The following LRBA variants were observed in gnomAD, a reference collection of about 807,000 sequenced individuals.
LRBA encodes the protein LPS responsive beige-like anchor protein.
Under a neutral mutation model 330.0 loss-of-function variants are expected in LRBA, and 176 were observed. The ratio of observed to expected loss-of-function variants is 0.53; its 90% CI spans 0.47 to 0.60. The LOEUF (loss-of-function observed/expected upper bound fraction) is 0.60, where lower values mean the gene tolerates loss of function less well. LRBA is among the 20% of genes least tolerant of loss of function. LRBA has a pLI of 0.00. For synonymous variants in LRBA, 1,230 were observed against 1,193.0 expected (o/e 1.03, Z -0.64); for missense variants, 3,259 against 3,444.8 (o/e 0.95, Z 1.35).
At chr4:150,897,634 T>C in intron 15 of LRBA, 105 bp downstream of exon 15, 1 of 777,676 alleles carries the variant, frequency 1.3e-6, no homozygotes, top group East Asian at 2.6e-5. Context: ...TTCCAATGTG[T>C]AACCACAGTA....
chr4:150,527,814 G>T (rs997441731), intron 40 of LRBA, among the ~76,000 whole-genome samples: 1 of 152,166 alleles, frequency 6.6e-6, no homozygotes, highest in Non-Finnish European at 1.5e-5. Context: ...GATGGCAGAA[G>T]AAAATGAGAA....
chr4:150,621,860 T>C (rs747542466), intron 37 of LRBA, among the ~76,000 whole-genome samples: 37 of 152,298 alleles, frequency 2.4e-4, no homozygotes, highest in Non-Finnish European at 4.9e-4. Context: ...TCTTAGCTTG[T>C]ACTGAGGGCA....
chr4:150,891,729 C>G (rs978629767), intron 17 of LRBA, among the ~76,000 whole-genome samples: 1 of 152,132 alleles, frequency 6.6e-6, no homozygotes, highest in Non-Finnish European at 1.5e-5. Context: ...TGGACACCCA[C>G]GCACACACTA....
intron 2 of LRBA, among the ~76,000 whole-genome samples, chr4:151,006,237 G>A (rs1223193820): frequency 2.6e-5 from 4 of 152,120 alleles, no homozygotes; most frequent in Admixed American, 6.5e-5. Flanking sequence ...TGAGGCAGGA[G>A]AATCACTTGA....
chr4:150,932,750 T>C (rs1372495803), intron 2 of LRBA, among the ~76,000 whole-genome samples: 1 of 151,890 alleles, frequency 6.6e-6, no homozygotes, highest in Non-Finnish European at 1.5e-5. Context: ...ATCCCATCTC[T>C]ACTAAAAATA....
intron 41 of LRBA, among the ~76,000 whole-genome samples, chr4:150,489,396 T>G (rs1303248595): frequency 1.6e-5 from 1 of 63,214 alleles, no homozygotes; most frequent in African/African-American, 5.1e-5. Flanking sequence ...GAATATAAAA[T>G]ATATTATATA....
chr4:150,772,529 A>G (rs1050289437), intron 34 of LRBA, among the ~76,000 whole-genome samples: 6 of 152,220 alleles, frequency 3.9e-5, no homozygotes, highest in African/African-American at 1.4e-4. Flanking sequence ...CATTCAGTTC[A>G]TAATAAGCAG....
chr4:150,399,367 C>T (rs56401050), intron 47 of LRBA, among the ~76,000 whole-genome samples: 34,449 of 152,092 alleles, frequency 0.23, 4,538 homozygotes, highest in Non-Finnish European at 0.31. Flanking sequence ...TCAAGATGCT[C>T]AAGCTCTGCT....
intron 36 of LRBA, among the ~76,000 whole-genome samples, chr4:150,734,338 T>C (rs1283552171): frequency 2.6e-5 from 4 of 152,134 alleles, no homozygotes; most frequent in Non-Finnish European, 4.4e-5. Context: ...ATTCTTTATA[T>C]TGATGAATTA....
intron 40 of LRBA, among the ~76,000 whole-genome samples, chr4:150,586,978 T>C (rs1406231063): frequency 6.6e-6 from 1 of 152,146 alleles, no homozygotes; most frequent in African/African-American, 2.4e-5. Context: ...TTTTAATTGA[T>C]AGAATTTCAG....
At chr4:150,881,163 C>T (rs1728334491) in intron 17 of LRBA, among the ~76,000 whole-genome samples, 1 of 152,144 alleles carries the variant, frequency 6.6e-6, no homozygotes, top group African/African-American at 2.4e-5. Flanking sequence ...AATTTTATTA[C>T]CGGGTACATA....
intron 47 of LRBA, among the ~76,000 whole-genome samples, chr4:150,378,114 A>G (rs370259583): frequency 1.1e-4 from 16 of 152,180 alleles, no homozygotes; most frequent in African/African-American, 3.6e-4. Context: ...ATTCAAAATT[A>G]TGTTCATCAG....
chr4:150,758,327 T>C (rs1055473624), intron 35 of LRBA, among the ~76,000 whole-genome samples: 9 of 152,166 alleles, frequency 5.9e-5, no homozygotes, highest in African/African-American at 1.7e-4. Context: ...ATAAAGATCT[T>C]TGAATGATAA....
At chr4:150,284,775 C>T (rs996564072) in intron 54 of LRBA, among the ~76,000 whole-genome samples, 11 of 152,172 alleles carry the variant, frequency 7.2e-5, no homozygotes, top group Non-Finnish European at 1.3e-4. Context: ...ATCTTCCCAC[C>T]TTAGCCTCCC....
chr4:150,927,573 T>C (rs1324378140), intron 4 of LRBA, among the ~76,000 whole-genome samples: 1 of 152,010 alleles, frequency 6.6e-6, no homozygotes, highest in African/African-American at 2.4e-5. Flanking sequence ...AGGTCTAATA[T>C]ATCTGTAATT....
At chr4:150,524,491 G>A (rs1763252182) in intron 40 of LRBA, among the ~76,000 whole-genome samples, 1 of 152,112 alleles carries the variant, frequency 6.6e-6, no homozygotes, top group African/African-American at 2.4e-5. Flanking sequence ...ATTTCACTGT[G>A]TTCTACCCAA....
intron 37 of LRBA, among the ~76,000 whole-genome samples, chr4:150,605,228 A>C (rs2126543480): frequency 6.6e-6 from 1 of 152,322 alleles, no homozygotes; most frequent in Non-Finnish European, 1.5e-5. Flanking sequence ...CTATTATCAA[A>C]TGAGTCAAAT....
intron 5 of LRBA, among the ~76,000 whole-genome samples, chr4:150,917,551 A>G (rs1732768987): frequency 6.6e-6 from 1 of 152,358 alleles, no homozygotes; most frequent in East Asian, 1.9e-4. Context: ...CAATATACAA[A>G]TGGCTTTACC....
intron 2 of LRBA, among the ~76,000 whole-genome samples, chr4:151,008,369 C>T (rs1295261925): frequency 2.0e-5 from 3 of 152,100 alleles, no homozygotes; most frequent in African/African-American, 7.2e-5. Flanking sequence ...GCATGAGCCA[C>T]CGCACCCAGC....
Sources: gnomAD v4.1 joint callset for allele counts (sites outside exome capture counted in the v4.1 genomes callset) on GRCh38, gnomAD v4.1.1 for gene constraint, MANE v1.5 for transcripts, NCBI Gene and HGNC (gene_info 2026-07-23, HGNC 2026-07-21) for gene names.